PFKP: variants seen among roughly 807,000 people sequenced by gnomAD.
The protein encoded by PFKP is ATP-dependent 6-phosphofructokinase, platelet type.
PFKP carries 101 observed loss-of-function variants against 94.3 expected under a neutral mutation model. That is an observed-to-expected ratio of 1.07 (90% CI 0.91 to 1.26). The LOEUF is 1.26. PFKP is among the 50% of genes most tolerant of loss of function. The pLI is 0.00. For missense variants in PFKP, 1,145 were observed against 1,103.3 expected (o/e 1.04, Z -0.53); for synonymous variants, 573 against 432.6 (o/e 1.32, Z -4.03).
chr10:3,136,437 C>T lies in PFKP; in HGVS notation c.2226-13C>T, dbSNP rs774304217. On this transcript the variant is annotated splice_polypyrimidine_tract_variant and intron_variant, in intron 21 of 21. Coordinates refer to ENST00000381125, the MANE Select transcript of PFKP (RefSeq NM_002627.5). ...ACTGCAGGCCTCACTGCTGTCTCCT[C>T]TTACCTCCACAGGCACAGGATTCCC... The T allele has an allele frequency of 6.2e-7, 1 of 1,613,366 alleles. No homozygotes were observed. The highest frequency in any genetic ancestry group is 1.7e-5 in the Admixed American group (1 of 59,980).
intron 4 of PFKP, among the ~76,000 whole-genome samples, chr10:3,101,916 C>G (rs1316279943): frequency 6.6e-6 from 1 of 152,180 alleles, no homozygotes; most frequent in African/African-American, 2.4e-5. Context: ...ATCCGCCTTT[C>G]AGCCCTCACA....
chr10:3,123,510 A>C (rs1208602367), intron 16 of PFKP, among the ~76,000 whole-genome samples: 6 of 152,084 alleles, frequency 3.9e-5, no homozygotes, highest in Admixed American at 6.5e-5. Flanking sequence ...ATGTGGAGTT[A>C]AGCTGCCGAG....
intron 10 of PFKP, among the ~76,000 whole-genome samples, chr10:3,110,045 G>A (rs1836017793): frequency 6.6e-6 from 1 of 152,126 alleles, no homozygotes; most frequent in Admixed American, 6.5e-5. Context: ...TGGGACACAG[G>A]GAAAGCTCTG....
intron 1 of PFKP, among the ~76,000 whole-genome samples, chr10:3,073,011 TAC>T (rs929815766): frequency 6.6e-6 from 1 of 151,948 alleles, no homozygotes; most frequent in African/African-American, 2.4e-5. Flanking sequence ...GCCCAAAGGC[TAC>T]AGTTTCCCTC....
chr10:3,127,692 C>T (rs772927557), intron 16 of PFKP, among the ~76,000 whole-genome samples: 8 of 152,312 alleles, frequency 5.3e-5, no homozygotes, highest in Middle Eastern at 3.4e-3. Flanking sequence ...GGACCCTTGA[C>T]GGGGATCTGT....
intron 7 of PFKP, among the ~76,000 whole-genome samples, 178 bp downstream of exon 7, chr10:3,105,679 TGA>T (rs1235486842): frequency 6.6e-6 from 1 of 152,156 alleles, no homozygotes; most frequent in Non-Finnish European, 1.5e-5. Context: ...CTATGAAGGC[TGA>T]GACTCAAGGC....
At chr10:3,130,502 C>T (rs1017950222) in intron 17 of PFKP, among the ~76,000 whole-genome samples, 1 of 152,174 alleles carries the variant, frequency 6.6e-6, no homozygotes, top group Non-Finnish European at 1.5e-5. Flanking sequence ...GACCCTGCAA[C>T]ATTCAAAGTT....
At chr10:3,109,299 A>C in intron 9 of PFKP, 56 bp from the exon 10 acceptor site, 1 of 1,600,138 alleles carries the variant, frequency 6.2e-7, no homozygotes, top group South Asian at 1.1e-5. Flanking sequence ...ATAGGAGGTG[A>C]CAGGGACAGG....
rs369034432 is a variant in PFKP, at chr10:3,133,193, C to T, written c.1911-10C>T. On this transcript the variant is annotated splice_polypyrimidine_tract_variant and intron_variant, in intron 18 of 21. Transcript: ENST00000381125. Reference sequence around the variant, plus strand: ...CGCTAAACAAAGTGACTCCTTCTCGCTCGTTTCAGAAATGAGAGCTGCAGT... The same window carrying T: ...CGCTAAACAAAGTGACTCCTTCTCGTTCGTTTCAGAAATGAGAGCTGCAGT... The T allele has an allele frequency of 2.1e-5, 34 of 1,605,658 alleles. No individual in the cohort carries two copies. The highest frequency in any genetic ancestry group is 2.7e-5 in the African/African-American group (2 of 74,764).
At chr10:3,112,443 C>A (rs1173589806) in intron 11 of PFKP, among the ~76,000 whole-genome samples, 157 bp downstream of exon 11, 1 of 152,186 alleles carries the variant, frequency 6.6e-6, no homozygotes, top group Non-Finnish European at 1.5e-5. Context: ...GTAGCAGGCC[C>A]TGGTGACTGG....
intron 18 of PFKP, 109 bp from the exon 19 acceptor site, chr10:3,133,094 C>G (rs1564358940): frequency 1.3e-6 from 1 of 773,684 alleles, no homozygotes; most frequent in Admixed American, 1.7e-5. Context: ...GTAGAATCAC[C>G]ATAGGGTTGG....
chr10:3,079,657 C>CGGGGGGGGGGGGGGGGGGGGGG (rs1456588977), intron 1 of PFKP, among the ~76,000 whole-genome samples: 1 of 7,794 alleles, frequency 1.3e-4, no homozygotes, highest in Non-Finnish European at 3.1e-4. Flanking sequence ...CTTCAGAGAG[C>CGGGGGGGGGGGGGGGGGGGGGG]GGGGTGGGGG....
intron 16 of PFKP, among the ~76,000 whole-genome samples, chr10:3,124,837 C>T (rs1837763048): frequency 7.3e-6 from 1 of 136,166 alleles, no homozygotes; most frequent in Admixed American, 7.1e-5. Context: ...CGTTGCCTGC[C>T]TCACACCACC....
chr10:3,112,335 C>T, intron 11 of PFKP, 49 bp downstream of exon 11: 1 of 1,387,832 alleles, frequency 7.2e-7, no homozygotes, highest in Non-Finnish European at 1.0e-6. Context: ...ACACACCCCT[C>T]AGGCCCAGCC....
intron 9 of PFKP, 59 bp from the exon 10 acceptor site, chr10:3,109,296 G>T: frequency 1.3e-6 from 2 of 1,599,256 alleles, no homozygotes; most frequent in Non-Finnish European, 1.7e-6. Flanking sequence ...AAGATAGGAG[G>T]TGACAGGGAC....
rs56181997 is a variant in PFKP, at chr10:3,093,829, G to A, written c.187-5446G>A. ...CGGCTAATTTTTTGTATTTTTAGTA[G>A]AGGTGGGGTTTCACCGTGTTAGCCA... is the stretch of plus-strand genomic sequence containing the variant. On this transcript the variant is annotated intron_variant, in intron 2 of 21. Transcript: ENST00000381125. Among the ~76,000 whole-genome samples the A allele has an allele frequency of 2.8e-4, 42 of 152,160 alleles. No individual in the cohort carries two copies. The East Asian group carries it at 5.6e-3, about 20-fold the overall frequency.
chr10:3,119,557 A>G (rs1002105647), intron 15 of PFKP, among the ~76,000 whole-genome samples: 1 of 152,148 alleles, frequency 6.6e-6, no homozygotes, highest in Admixed American at 6.5e-5. Context: ...GTGAGACGAG[A>G]TTGCACCACC....
intron 2 of PFKP, among the ~76,000 whole-genome samples, chr10:3,088,888 G>T (rs927937238): frequency 6.6e-6 from 1 of 151,256 alleles, no homozygotes; most frequent in African/African-American, 2.4e-5. Context: ...TAGCTCCCAC[G>T]TATGAGTGAG....
chr10:3,118,932 C>T, intron 15 of PFKP, 63 bp downstream of exon 15: 1 of 1,279,634 alleles, frequency 7.8e-7, no homozygotes, highest in Non-Finnish European at 1.1e-6. Context: ...GTTGGCTAAA[C>T]ATTAAGCTAC....
Sources: gnomAD v4.1 joint callset for allele counts (sites outside exome capture counted in the v4.1 genomes callset) on GRCh38, gnomAD v4.1.1 for gene constraint, MANE v1.5 for transcripts, NCBI Gene and HGNC (gene_info 2026-07-23, HGNC 2026-07-21) for gene names.